Variants in PHOSPHO2 observed in about 807,000 individuals in gnomAD.
PHOSPHO2 encodes the protein phosphatase, orphan 2, also known as pyridoxal phosphate phosphatase PHOSPHO2.
Under a neutral mutation model 16.4 loss-of-function variants are expected in PHOSPHO2, and 14 were observed. The ratio of observed to expected loss-of-function variants is 0.85; its 90% CI spans 0.56 to 1.33. The LOEUF (loss-of-function observed/expected upper bound fraction) is 1.33. PHOSPHO2 is among the 40% of genes most tolerant of loss of function. The pLI is 0.00. For synonymous variants in PHOSPHO2, 85 were observed against 90.5 expected, an observed-to-expected ratio of 0.94 and a Z score of 0.34; for missense variants, 246 against 282.5, an observed-to-expected ratio of 0.87 and a Z score of 0.93.
intron 2 of PHOSPHO2, among the ~76,000 whole-genome samples, chr2:169,695,788 G>A (rs1439718462): frequency 6.6e-6 from 1 of 152,050 alleles, no homozygotes; most frequent in Admixed American, 6.5e-5. Flanking sequence ...CAGCAATTTC[G>A]CCTGAGTTCC....
chr2:169,700,601 T>C (rs1687717806), intron 3 of PHOSPHO2, among the ~76,000 whole-genome samples: 1 of 152,058 alleles, frequency 6.6e-6, no homozygotes, highest in South Asian at 2.1e-4. Context: ...ATATGAGGAT[T>C]GTAAATATTT....
chr2:169,697,990 C>A (rs1011796625), intron 3 of PHOSPHO2: 1 of 151,962 alleles, frequency 6.6e-6, no homozygotes, highest in Admixed American at 6.6e-5. Flanking sequence ...CAGGTGATAC[C>A]CCTATAGGTT....
intron 1 of PHOSPHO2, chr2:169,694,888 AG>A (rs1369523885): frequency 2.2e-5 from 4 of 179,890 alleles, no homozygotes; most frequent in African/African-American, 9.5e-5. Context: ...TTGGTTTCTG[AG>A]GCATGGTCAG....
Position 169,694,521 on chromosome 2 carries a change from T to G in PHOSPHO2, c.-332T>G. ...AGGCGCCTGCGCTTGCGAGCTGGGC[T>G]TGTGAGTGGGGCTGCCGAGAGGGCA... On this transcript the variant is annotated 5_prime_UTR_variant, in exon 1 of 4. Coordinates refer to ENST00000359744, the MANE Select transcript of PHOSPHO2 (RefSeq NM_001008489.4). 1 of 644,452 alleles carries G rather than the reference T, an allele frequency of 1.6e-6. No individual in the cohort carries two copies. The highest frequency in any genetic ancestry group is 2.8e-6 in the Non-Finnish European group (1 of 359,172). The allele number at this position is 644,452 out of a possible 1,614,324, so 39.9% of individuals were successfully genotyped here.
At chr2:169,698,904 C>T (rs1687644161) in intron 3 of PHOSPHO2, among the ~76,000 whole-genome samples, 1 of 152,122 alleles carries the variant, frequency 6.6e-6, no homozygotes, top group African/African-American at 2.4e-5. Context: ...TTAAATTGGC[C>T]TCCAGTTCTC....
At chr2:169,699,973 TTAAC>T (rs1328530664) in intron 3 of PHOSPHO2, among the ~76,000 whole-genome samples, 2 of 152,206 alleles carry the variant, frequency 1.3e-5, no homozygotes, top group Non-Finnish European at 2.9e-5. Context: ...GGCAGAGTCT[TTAAC>T]TATTTGGGAG....
chr2:169,694,481 C>T lies in PHOSPHO2; in HGVS notation c.-372C>T. 3 of 744,542 alleles carry T rather than the reference C, an allele frequency of 4.0e-6. No individual in the cohort carries two copies. Among genetic ancestry groups the T allele is most frequent in the South Asian group, 1.5e-5 (1 of 66,182 alleles). The allele number at this position is 744,542 out of a possible 1,614,324, so 46.1% of individuals were successfully genotyped here. A position where few individuals can be genotyped will look rare whatever the true frequency, so the allele number is the denominator to read the frequency against. ...CAAGGGAGGTGCTGCAGTTGGCGGTCGGGCTAGAGAAGAGAGGCGCCTGCG... is the reference window on the plus strand; with the variant it reads ...CAAGGGAGGTGCTGCAGTTGGCGGTTGGGCTAGAGAAGAGAGGCGCCTGCG... On this transcript the variant is annotated 5_prime_UTR_variant, in exon 1 of 4. Transcript: ENST00000359744.
At chr2:169,694,643 C>T (rs1240803737) in intron 1 of PHOSPHO2, 21 bp downstream of exon 1, 4 of 472,018 alleles carry the variant, frequency 8.5e-6, no homozygotes, top group South Asian at 2.1e-5. Context: ...AGCCCGTGGG[C>T]CCCCGCCCTG....
intron 2 of PHOSPHO2, 36 bp from the exon 3 acceptor site, chr2:169,697,325 A>G (rs1687581274): frequency 6.6e-6 from 1 of 152,198 alleles, no homozygotes; most frequent in Non-Finnish European, 1.5e-5. Flanking sequence ...GAAAATACAA[A>G]TGTTAAAGCT....
At chr2:169,697,608 A>C (rs1159744299) in intron 3 of PHOSPHO2, 77 bp downstream of exon 3, 4 of 152,214 alleles carry the variant, frequency 2.6e-5, no homozygotes. Flanking sequence ...TTAAAAGTGC[A>C]CTTTCAGATC....
rs1389083617 is a variant in PHOSPHO2 at position 169,695,244 on chromosome 2, G to A, written c.-201G>A. 6.6e-6 allele frequency: 1 copy of A among 152,194 alleles called. No individual in the cohort carries two copies. Among genetic ancestry groups the A allele is most frequent in the African/African-American group, 2.4e-5 (1 of 41,438 alleles). The allele number at this position is 152,194 out of a possible 1,614,324, so 9.4% of individuals were successfully genotyped here. A position where few individuals can be genotyped will look rare whatever the true frequency, so the allele number is the denominator to read the frequency against. On this transcript the variant is annotated 5_prime_UTR_variant, in exon 2 of 4. An upstream start codon of the reference 5' UTR is lost. Coordinates refer to ENST00000359744, the MANE Select transcript of PHOSPHO2 (RefSeq NM_001008489.4). ...TCTATCAGATGTTCCACGTAATAATGCTGGTAAGTATGGAATAATTAAGAA... is the reference window on the plus strand; with the variant it reads ...TCTATCAGATGTTCCACGTAATAATACTGGTAAGTATGGAATAATTAAGAA...
chr2:169,696,046 A>G (rs776457509), intron 2 of PHOSPHO2, among the ~76,000 whole-genome samples: 20 of 152,110 alleles, frequency 1.3e-4, no homozygotes, highest in African/African-American at 4.8e-5. Context: ...CCCAACAACA[A>G]TTTTCTGGAA....
At chr2:169,698,040 ACTTAGT>A (rs1687611511) in intron 3 of PHOSPHO2, 1 of 152,222 alleles carries the variant, frequency 6.6e-6, no homozygotes, top group Admixed American at 6.5e-5. Context: ...GACACAGAAT[ACTTAGT>A]CTTATGTGAG....
rs894142836 is a variant in PHOSPHO2 at position 169,701,467 on chromosome 2, C to G, written c.496C>G (p.Gln166Glu). ...VLIEFVDKQL[Q>E]QGVNYTQIVY... is the part of the protein sequence containing the mutation. ...GATAGAATTTGTAGATAAACAGTTA[C>G]AACAGGGAGTGAATTATACACAAAT... Residue 166 changes from glutamine (Q) to glutamate (E), a missense_variant, in exon 4 of 4, where the codon CAA becomes GAA. Gln to Glu is a conservative substitution (Grantham distance 29, BLOSUM62 2). Coordinates refer to ENST00000359744, the MANE Select transcript of PHOSPHO2 (RefSeq NM_001008489.4). The G allele has an allele frequency of 6.2e-7, 1 of 1,612,636 alleles. No homozygotes were observed. Among genetic ancestry groups the G allele is most frequent in the Admixed American group, 1.7e-5 (1 of 59,870 alleles).
chr2:169,700,305 AG>A (rs1367984631), intron 3 of PHOSPHO2, among the ~76,000 whole-genome samples: 1 of 152,102 alleles, frequency 6.6e-6, no homozygotes, highest in African/African-American at 2.4e-5. Context: ...ATTTTCTTCT[AG>A]GTTTTTTATA....
At chr2:169,696,964 A>G (rs991868967) in intron 2 of PHOSPHO2, among the ~76,000 whole-genome samples, 1 of 152,200 alleles carries the variant, frequency 6.6e-6, no homozygotes, top group African/African-American at 2.4e-5. Flanking sequence ...CCTATTGCCA[A>G]AAGATGCTTT....
At chr2:169,697,812 G>A (rs1687602205) in intron 3 of PHOSPHO2, 1 of 152,196 alleles carries the variant, frequency 6.6e-6, no homozygotes. Context: ...CCTAGTTACA[G>A]TACTACTGTG....
At position 169,694,555 on chromosome 2, in the gene PHOSPHO2, G is replaced by T; in HGVS notation, c.-298G>T. On this transcript the variant is annotated 5_prime_UTR_variant, in exon 1 of 4. Coordinates refer to ENST00000359744, the MANE Select transcript of PHOSPHO2 (RefSeq NM_001008489.4). Reference sequence around the variant, plus strand: ...GGGCTGCCGAGAGGGCAGGCGTGGGGCGAGGCCAAAGGACTGAACCCGCAG... The same window carrying T: ...GGGCTGCCGAGAGGGCAGGCGTGGGTCGAGGCCAAAGGACTGAACCCGCAG... The T allele has an allele frequency of 1.7e-6, 1 of 603,548 alleles. No homozygotes were observed. 37.4% of individuals were successfully genotyped at this position (603,548 alleles called of 1,614,324 possible).
At chr2:169,698,128 C>G (rs1253846692) in intron 3 of PHOSPHO2, 1 of 152,116 alleles carries the variant, frequency 6.6e-6, no homozygotes, top group African/African-American at 2.4e-5. Context: ...TGGTTAAATG[C>G]CATGTTTTTC....
Sources: gnomAD v4.1 joint callset for allele counts (sites outside exome capture counted in the v4.1 genomes callset) on GRCh38, gnomAD v4.1.1 for gene constraint, MANE v1.5 for transcripts, NCBI Gene and HGNC (gene_info 2026-07-23, HGNC 2026-07-21) for gene names.